LINGO1: variants seen among roughly 807,000 people sequenced by gnomAD.
LINGO1 encodes the protein leucine-rich repeat and immunoglobulin-like domain-containing nogo receptor-interacting protein 1.
In LINGO1, 11 loss-of-function variants were observed where a neutral mutation model predicts 37.3. The observed-to-expected ratio is 0.29, with a 90% CI of 0.19 to 0.49. The LOEUF (loss-of-function observed/expected upper bound fraction) is 0.49, where lower values mean the gene tolerates loss of function less well. LINGO1 is among the 20% of genes least tolerant of loss of function. The pLI is 0.99. For missense variants in LINGO1, 585 were observed against 878.2 expected (o/e 0.67, Z 4.22); for synonymous variants, 387 against 403.0 (o/e 0.96, Z 0.48).
At chr15:77,758,195 G>C (rs944956869) in intron 1 of LINGO1, among the ~76,000 whole-genome samples, 1 of 152,164 alleles carries the variant, frequency 6.6e-6, no homozygotes, top group Non-Finnish European at 1.5e-5. Flanking sequence ...AAAGGAAAAG[G>C]GGTCTTAGCC....
At chr15:77,757,836 G>A (rs946968507) in intron 1 of LINGO1, among the ~76,000 whole-genome samples, 9 of 152,310 alleles carry the variant, frequency 5.9e-5, no homozygotes, top group South Asian at 2.1e-4. Flanking sequence ...TGGCCCAGGC[G>A]CCAGGCATAG....
chr15:77,729,700 ACCTACT>A (rs937930182), intron 2 of LINGO1, among the ~76,000 whole-genome samples: 2 of 152,198 alleles, frequency 1.3e-5, no homozygotes, highest in African/African-American at 4.8e-5. Flanking sequence ...CCTCCAGGAA[ACCTACT>A]CCTTCTCAAG....
At chr15:77,806,412 G>A (rs1472587274) in intron 1 of LINGO1, among the ~76,000 whole-genome samples, 1 of 152,106 alleles carries the variant, frequency 6.6e-6, no homozygotes, top group Non-Finnish European at 1.5e-5. Flanking sequence ...GGGCGGAGGG[G>A]TACTCGGCAG....
At chr15:77,770,573 G>A (rs1170309008) in intron 1 of LINGO1, among the ~76,000 whole-genome samples, 2 of 122,650 alleles carry the variant, frequency 1.6e-5, no homozygotes, top group African/African-American at 3.2e-5. Flanking sequence ...GGGTAACAAA[G>A]CGAGACTCTG....
rs1490464576 is a variant in LINGO1 at position 77,652,481 on chromosome 15, A to AGTGT, written c.-13+24607_-13+24608insACAC. Among the ~76,000 whole-genome samples the AGTGT allele has an allele frequency of 6.6e-4, 37 of 56,364 alleles. No homozygotes were observed. The South Asian group carries it at 0.014, about 22-fold the overall frequency. The allele number at this position is 56,364 out of a possible 152,430, so 37.0% of individuals were successfully genotyped here. On this transcript the variant is annotated intron_variant, in intron 3 of 3. Transcript: ENST00000559893. ...TACCTACAGCTGCAGCTGGGGAGGG[A>AGTGT]GAGTGTGTGTGTGTGTGTGTGTGTG...
At chr15:77,755,139 C>T (rs146042498) in intron 1 of LINGO1, among the ~76,000 whole-genome samples, 302 of 152,306 alleles carry the variant, frequency 2.0e-3, no homozygotes, top group Non-Finnish European at 3.5e-3. Flanking sequence ...CCACTCAGTT[C>T]GCTTCAGGAG....
At chr15:77,769,453 C>A (rs1381690104) in intron 1 of LINGO1, among the ~76,000 whole-genome samples, 2 of 152,206 alleles carry the variant, frequency 1.3e-5, no homozygotes, top group Admixed American at 1.3e-4. Flanking sequence ...CGTGCTCTGG[C>A]AGACCTGATG....
chr15:77,710,872 T>C (rs542734183), intron 2 of LINGO1, among the ~76,000 whole-genome samples: 14 of 152,366 alleles, frequency 9.2e-5, no homozygotes, highest in African/African-American at 2.2e-4. Context: ...TGCCAGGCCA[T>C]GGAGGATCCA....
At chr15:77,787,315 C>T (rs1225194332), upstream of LINGO1, 1 of 152,374 alleles carries the variant, frequency 6.6e-6, no homozygotes, top group African/African-American at 2.4e-5. Flanking sequence ...CACCTGCCCC[C>T]TCCTCTACCC....
At chr15:77,637,357 C>A (rs1469899530), upstream of LINGO1, among the ~76,000 whole-genome samples, 1 of 152,234 alleles carries the variant, frequency 6.6e-6, no homozygotes. This position sits in a 1 kb window ranked among gnomAD's most constrained non-coding sequence, Gnocchi z 4.6. Flanking sequence ...CTGGCATTTA[C>A]TTCATGCTTG....
intron 2 of LINGO1, among the ~76,000 whole-genome samples, chr15:77,711,341 C>A (rs2075915633): frequency 6.6e-6 from 1 of 152,222 alleles, no homozygotes; most frequent in Non-Finnish European, 1.5e-5. Flanking sequence ...GCCTGTGTCA[C>A]CTCTGTGTCC....
intron 3 of LINGO1, among the ~76,000 whole-genome samples, chr15:77,661,357 C>G (rs770568967): frequency 4.6e-5 from 7 of 152,242 alleles, no homozygotes; most frequent in Non-Finnish European, 8.8e-5. Context: ...GTCCTGGGGA[C>G]AAGCTGCCCC....
At chr15:77,618,225 G>C (rs28564325) in intron 1 of LINGO1, among the ~76,000 whole-genome samples, 2,020 of 152,330 alleles carry the variant, frequency 0.013, 46 homozygotes, top group African/African-American at 0.047. Flanking sequence ...GAGGACACGG[G>C]CCACCCCGAG....
At chr15:77,662,744 C>T (rs569416667) in intron 3 of LINGO1, among the ~76,000 whole-genome samples, 2 of 152,308 alleles carry the variant, frequency 1.3e-5, no homozygotes, top group East Asian at 1.9e-4. Context: ...ACTTTGAAGT[C>T]GATGGACTGA....
At chr15:77,804,711 G>C (rs1240851595) in intron 1 of LINGO1, among the ~76,000 whole-genome samples, 1 of 152,174 alleles carries the variant, frequency 6.6e-6, no homozygotes, top group East Asian at 1.9e-4. Context: ...CCACCCAGCA[G>C]TGGCCTGAGG....
intron 1 of LINGO1, among the ~76,000 whole-genome samples, chr15:77,782,738 T>C (rs1401677551): frequency 2.1e-5 from 3 of 144,648 alleles, no homozygotes; most frequent in Non-Finnish European, 3.0e-5. Context: ...ACCCCCACCC[T>C]GTGGCCACGA....
At chr15:77,789,648 A>C (rs911738350), upstream of LINGO1, among the ~76,000 whole-genome samples, 6 of 152,192 alleles carry the variant, frequency 3.9e-5, no homozygotes, top group African/African-American at 1.4e-4. Context: ...TATTGTATGG[A>C]GAACAATTTG....
At chr15:77,622,483 T>C (rs1483009736) in intron 1 of LINGO1, among the ~76,000 whole-genome samples, 3 of 152,102 alleles carry the variant, frequency 2.0e-5, no homozygotes, top group Non-Finnish European at 2.9e-5. Flanking sequence ...CATATCTAGC[T>C]GGGGAGGGAG....
intron 1 of LINGO1, among the ~76,000 whole-genome samples, chr15:77,809,505 A>G (rs1043558800): frequency 6.6e-6 from 1 of 152,244 alleles, no homozygotes; most frequent in Non-Finnish European, 1.5e-5. Context: ...TCTGGGATCT[A>G]GCATATAGTC....
Sources: gnomAD v4.1 joint callset for allele counts (sites outside exome capture counted in the v4.1 genomes callset) on GRCh38, gnomAD v4.1.1 for gene constraint, Gnocchi (gnomAD v3.1) non-coding constraint, MANE v1.5 for transcripts, NCBI Gene and HGNC (gene_info 2026-07-23, HGNC 2026-07-21) for gene names.